RASGRF2: variants seen among roughly 807,000 people sequenced by gnomAD.
The protein encoded by RASGRF2 is ras-specific guanine nucleotide-releasing factor 2.
Under a neutral mutation model 151.0 loss-of-function variants are expected in RASGRF2, and 76 were observed. That is an observed-to-expected ratio of 0.50 (90% CI 0.42 to 0.61). RASGRF2 has a LOEUF of 0.61. Among genes scored for constraint, RASGRF2 ranks in the 20% least tolerant of loss-of-function variants. RASGRF2 has a pLI of 0.00. For missense variants in RASGRF2, 1,148 were observed against 1,564.6 expected, an observed-to-expected ratio of 0.73 and a Z score of 4.49; for synonymous variants, 504 against 566.5, an observed-to-expected ratio of 0.89 and a Z score of 1.57.
At chr5:81,186,138 G>T (rs1259302127) in intron 18 of RASGRF2, among the ~76,000 whole-genome samples, 3 of 152,270 alleles carry the variant, frequency 2.0e-5, no homozygotes, top group East Asian at 3.9e-4. Flanking sequence ...CACATTTTTA[G>T]CTAATAATGA....
chr5:81,123,056 G>A (rs1279914622), intron 15 of RASGRF2, among the ~76,000 whole-genome samples: 1 of 152,180 alleles, frequency 6.6e-6, no homozygotes, highest in African/African-American at 2.4e-5. Context: ...ACATGTGGCT[G>A]CTGAGCACTC....
At chr5:81,091,479 G>T (rs908737340) in intron 9 of RASGRF2, among the ~76,000 whole-genome samples, 1 of 152,130 alleles carries the variant, frequency 6.6e-6, no homozygotes, top group Non-Finnish European at 1.5e-5. Context: ...GCCCAGAATA[G>T]CTGCCTACTC....
intron 18 of RASGRF2, among the ~76,000 whole-genome samples, chr5:81,192,971 A>AT (rs1331229334): frequency 6.6e-6 from 1 of 152,196 alleles, no homozygotes; most frequent in Non-Finnish European, 1.5e-5. Flanking sequence ...AGCTCAACAC[A>AT]TCCTGAGTCC....
At chr5:81,053,300 AGTG>A (rs1365281957) in intron 2 of RASGRF2, among the ~76,000 whole-genome samples, 1 of 105,240 alleles carries the variant, frequency 9.5e-6, no homozygotes, top group Non-Finnish European at 1.8e-5. Context: ...GACAGGCCCC[AGTG>A]TGTGATGTCC....
At chr5:81,098,436 G>A (rs1391906836) in intron 12 of RASGRF2, among the ~76,000 whole-genome samples, 3 of 152,080 alleles carry the variant, frequency 2.0e-5, no homozygotes, top group Non-Finnish European at 2.9e-5. Context: ...TGTTGAGATC[G>A]CCAAGGGAAT....
At chr5:81,105,518 T>C (rs753919235) in intron 12 of RASGRF2, among the ~76,000 whole-genome samples, 10 of 152,216 alleles carry the variant, frequency 6.6e-5, no homozygotes, top group Non-Finnish European at 1.0e-4. Context: ...CTGTTCTTGA[T>C]GGTGCAGTCA....
Position 81,113,771 on chromosome 5 carries a change from C to T in RASGRF2, c.2321C>T (p.Ala774Val), listed in dbSNP as rs747936021. The change falls in exon 15 of 27, where the codon GCT becomes GTT. Residue 774 changes from alanine (A) to valine (V), a missense_variant. This residue lies in a region of RASGRF2 where 646 missense variants were observed against 807.4 expected (regional missense o/e 0.80). Coordinates refer to ENST00000265080, the MANE Select transcript of RASGRF2 (RefSeq NM_006909.3). ...CCCACCACCACCACCCAGAGTCCCG[C>T]TGCGTCTCCACCACCACACACTGGT... The part of the protein sequence containing the change: ...SSPTTTTQSP[A>V]ASPPPHTGQI... 6.2e-7 allele frequency: 1 copy of T among 1,614,166 alleles called. No individual in the cohort carries two copies. The highest frequency in any genetic ancestry group is 1.1e-5 in the South Asian group (1 of 91,080).
chr5:80,968,459 A>G (rs891042620), intron 1 of RASGRF2, among the ~76,000 whole-genome samples: 1 of 151,996 alleles, frequency 6.6e-6, no homozygotes, highest in Non-Finnish European at 1.5e-5. Flanking sequence ...CTTTTTTGGC[A>G]CTGGAGATTG....
At chr5:81,009,178 C>T (rs1347865676) in intron 1 of RASGRF2, among the ~76,000 whole-genome samples, 1 of 152,160 alleles carries the variant, frequency 6.6e-6, no homozygotes, top group South Asian at 2.1e-4. Context: ...GGGCTCATGA[C>T]GAGAACTCGA....
intron 18 of RASGRF2, among the ~76,000 whole-genome samples, chr5:81,187,623 T>C (rs1407768748): frequency 6.6e-6 from 1 of 152,176 alleles, no homozygotes; most frequent in South Asian, 2.1e-4. Flanking sequence ...AACCAACCAA[T>C]GAGCATCCGT....
chr5:81,143,482 C>T (rs1753932059), intron 17 of RASGRF2, among the ~76,000 whole-genome samples: 1 of 151,954 alleles, frequency 6.6e-6, no homozygotes, highest in South Asian at 2.1e-4. Flanking sequence ...TAATAACATA[C>T]AATGAAATAC....
rs143429261 is a variant in RASGRF2 at position 81,056,119 on chromosome 5, C to G, written c.396-11913C>G. ...ATTTTTTGAAGGGTTTTTTATGTCT[C>G]TATCTCCTTCAGTTCTGCTCTGATC... On this transcript the variant is annotated intron_variant, in intron 2 of 26. Transcript: ENST00000265080. Among the ~76,000 whole-genome samples, 1,368 of 152,190 alleles carry G rather than the reference C, an allele frequency of 9.0e-3. 85 individuals carry two copies. The East Asian group carries it at 0.16, about 18-fold the overall frequency.
Position 81,227,789 on chromosome 5 carries a change from G to A in RASGRF2, c.*2019G>A, listed in dbSNP as rs1412503060. 6.6e-6 allele frequency: 1 copy of A among 152,248 alleles called. No homozygotes were observed. Among genetic ancestry groups the A allele is most frequent in the Non-Finnish European group, 1.5e-5 (1 of 68,068 alleles). The allele number at this position is 152,248 out of a possible 1,614,324, so 9.4% of individuals were successfully genotyped here. A position where few individuals can be genotyped will look rare whatever the true frequency, so the allele number is the denominator to read the frequency against. On this transcript the variant is annotated 3_prime_UTR_variant, in exon 27 of 27. Transcript: ENST00000265080. ...TTCGGGCCAAACAACACGTGGAAAG[G>A]TGCATGCATTCTACTCTGCCTTGGA...
At chr5:81,118,090 T>A (rs1753208133) in intron 15 of RASGRF2, among the ~76,000 whole-genome samples, 2 of 152,168 alleles carry the variant, frequency 1.3e-5, no homozygotes, top group South Asian at 4.1e-4. Flanking sequence ...CTCAGGCTGG[T>A]GTTGCATGCT....
chr5:81,076,181 G>A (rs1163730401), intron 5 of RASGRF2, among the ~76,000 whole-genome samples: 1 of 152,188 alleles, frequency 6.6e-6, no homozygotes, highest in Non-Finnish European at 1.5e-5. Flanking sequence ...TGGTGGGGCG[G>A]AGGGAAGAGG....
chr5:81,122,581 T>C (rs1032669819), intron 15 of RASGRF2, among the ~76,000 whole-genome samples: 2 of 152,202 alleles, frequency 1.3e-5, no homozygotes, highest in African/African-American at 2.4e-5. Context: ...TTTTGAAAGT[T>C]TGTTGAGTGA....
chr5:81,189,517 G>T (rs541545445), intron 18 of RASGRF2, among the ~76,000 whole-genome samples: 11 of 150,462 alleles, frequency 7.3e-5, no homozygotes, highest in Non-Finnish European at 1.2e-4. Flanking sequence ...AAGAGATGGG[G>T]TCTTGTTCTG....
chr5:81,197,445 A>G lies in RASGRF2; in HGVS notation c.2794-3885A>G, dbSNP rs897613765. On this transcript the variant is annotated intron_variant, in intron 18 of 26. Transcript: ENST00000265080. ...CAGTCCGCAATCCGGCCTGGGCGAC[A>G]GAGCGAGACTCCGTCTCAAAAAAAA... Among the ~76,000 whole-genome samples, 9 of 125,870 alleles carry G rather than the reference A, an allele frequency of 7.2e-5. No homozygotes were observed. In the South Asian group the frequency reaches 2.3e-3, roughly 32 times the overall value. The allele number at this position is 125,870 out of a possible 152,430, so 82.6% of individuals were successfully genotyped here.
intron 1 of RASGRF2, among the ~76,000 whole-genome samples, chr5:80,963,505 T>G (rs1039310799): frequency 6.6e-6 from 1 of 152,248 alleles, no homozygotes; most frequent in Non-Finnish European, 1.5e-5. Context: ...TTTGGCTAAG[T>G]TGGTTTCCAA....
Sources: gnomAD v4.1 joint callset for allele counts (sites outside exome capture counted in the v4.1 genomes callset) on GRCh38, gnomAD v4.1.1 for gene constraint, gnomAD v4.1.1 regional missense constraint, MANE v1.5 for transcripts, NCBI Gene and HGNC (gene_info 2026-07-23, HGNC 2026-07-21) for gene names.